NDUFAF6: variants seen among roughly 807,000 people sequenced by gnomAD.
NDUFAF6 encodes NADH:ubiquinone oxidoreductase complex assembly factor 6.
In NDUFAF6, 45 loss-of-function variants were observed where a neutral mutation model predicts 40.8. The ratio of observed to expected loss-of-function variants is 1.10; its 90% confidence interval spans 0.87 to 1.42. The LOEUF (loss-of-function observed/expected upper bound fraction) is 1.42. Among genes scored for constraint, NDUFAF6 ranks in the 40% most tolerant of loss-of-function variants. The probability of loss-of-function intolerance (pLI) is 0.00; values close to 1 mark genes in which losing one functional copy is unlikely to be tolerated. For missense variants in NDUFAF6, 435 were observed against 418.5 expected, an observed-to-expected ratio of 1.04 and a Z score of -0.34; for synonymous variants, 185 against 155.9, an observed-to-expected ratio of 1.19 and a Z score of -1.39.
chr8:95,094,844 C>T (rs1809400074), intron 2 of NDUFAF6, among the ~76,000 whole-genome samples: 1 of 149,740 alleles, frequency 6.7e-6, no homozygotes, highest in Admixed American at 6.7e-5. Context: ...CTTTGAACTC[C>T]TTGGCCCAAG....
At chr8:94,988,351 C>G (rs1826033888) in intron 2 of NDUFAF6, 1 of 152,198 alleles carries the variant, frequency 6.6e-6, no homozygotes, top group Admixed American at 6.5e-5. Flanking sequence ...CCCTCTTTCT[C>G]TCTCAGCTCC....
upstream of NDUFAF6, among the ~76,000 whole-genome samples, chr8:94,953,727 T>C (rs1215559076): frequency 6.6e-6 from 1 of 152,250 alleles, no homozygotes; most frequent in Non-Finnish European, 1.5e-5. Flanking sequence ...CTCAAAAGGA[T>C]GCAGATGATA....
chr8:95,062,563 G>A (rs1172859019), downstream of NDUFAF6, among the ~76,000 whole-genome samples: 1 of 152,196 alleles, frequency 6.6e-6, no homozygotes, highest in African/African-American at 2.4e-5. Flanking sequence ...AACTCAGCCT[G>A]ACTCAAACAT....
intron 1 of NDUFAF6, among the ~76,000 whole-genome samples, chr8:94,900,531 G>A (rs1817947920): frequency 6.6e-6 from 1 of 152,188 alleles, no homozygotes; most frequent in Admixed American, 6.5e-5. Context: ...CTCAGAGATG[G>A]TCAGTTCAGC....
intron 5 of NDUFAF6, among the ~76,000 whole-genome samples, chr8:95,046,154 G>A (rs894580632): frequency 1.8e-4 from 27 of 151,830 alleles, no homozygotes; most frequent in African/African-American, 6.1e-4. Context: ...TCTGCCTCCC[G>A]GATTCAAGTG....
In NDUFAF6 at chr8:94,921,142, G is replaced by A. The variant is rs546844341; in HGVS notation, c.-935-24341G>A. ...ACATAATAGTCCAAGGGTAGAGCTTGATCAAGATATTAAATTATGTCACTA... is the reference window on the plus strand; with the variant it reads ...ACATAATAGTCCAAGGGTAGAGCTTAATCAAGATATTAAATTATGTCACTA... On this transcript the variant is annotated intron_variant, in intron 1 of 14. Transcript: ENST00000396113. Among the ~76,000 whole-genome samples the A allele has an allele frequency of 8.0e-4, 122 of 152,328 alleles. 1 individual carries two copies. The highest frequency in any genetic ancestry group is 4.1e-3 in the Admixed American group (63 of 15,300).
In NDUFAF6 at chr8:95,108,871, TC is replaced by T. The variant is rs1214875808; in HGVS notation, n.344+5862del. ...ACACAAAAGAATTGAAAGCAGGGAT[TC>T]CAATATTGATTAGTTAAATGGTTAA... On this transcript the variant is annotated intron_variant and non_coding_transcript_variant, in intron 4 of 5. Coordinates refer to the NDUFAF6 transcript ENST00000523184. Among the ~76,000 whole-genome samples the T allele has an allele frequency of 2.6e-5, 4 of 152,268 alleles. No homozygotes were observed. The East Asian group carries it at 7.7e-4, about 29-fold the overall frequency.
At chr8:94,909,067 T>C (rs6987400) in intron 1 of NDUFAF6, among the ~76,000 whole-genome samples, 94,538 of 152,012 alleles carry the variant, frequency 0.62, 30,107 homozygotes, top group East Asian at 0.79. Context: ...AAAAGCTGGC[T>C]AGGCACAGTG....
At chr8:95,013,399 C>T (rs1489005500) in intron 2 of NDUFAF6, among the ~76,000 whole-genome samples, 3 of 152,162 alleles carry the variant, frequency 2.0e-5, no homozygotes, top group African/African-American at 7.2e-5. Context: ...AGCTACTGCT[C>T]CCACACTGAT....
At chr8:94,917,612 T>C (rs1287070716) in intron 1 of NDUFAF6, among the ~76,000 whole-genome samples, 1 of 152,152 alleles carries the variant, frequency 6.6e-6, no homozygotes, top group Non-Finnish European at 1.5e-5. Context: ...CCACAAAGAA[T>C]CTCTCAGTCT....
At chr8:95,110,292 C>A (rs1403909369) in intron 4 of NDUFAF6, among the ~76,000 whole-genome samples, 1 of 152,224 alleles carries the variant, frequency 6.6e-6, no homozygotes, top group Admixed American at 6.5e-5. Flanking sequence ...TTTTACCCAG[C>A]AACTGTCAAG....
chr8:94,987,560 AG>A (rs1388026113), intron 2 of NDUFAF6, among the ~76,000 whole-genome samples: 2 of 152,230 alleles, frequency 1.3e-5, no homozygotes, highest in Non-Finnish European at 2.9e-5. Flanking sequence ...GCATATGTTT[AG>A]AATTACATCT....
chr8:95,095,206 C>T (rs1809415953), intron 2 of NDUFAF6, among the ~76,000 whole-genome samples: 1 of 152,170 alleles, frequency 6.6e-6, no homozygotes, highest in African/African-American at 2.4e-5. Flanking sequence ...CTTTCCCTCT[C>T]ACAGGCAGGC....
At chr8:94,951,432 C>CA (rs1822608521) in intron 2 of NDUFAF6, 1 of 152,188 alleles carries the variant, frequency 6.6e-6, no homozygotes, top group Non-Finnish European at 1.5e-5. Flanking sequence ...CAGCGATAAC[C>CA]AAAACACAAA....
At chr8:95,115,125 TCAACTTGC>T (rs1241696372) in intron 4 of NDUFAF6, among the ~76,000 whole-genome samples, 3 of 152,172 alleles carry the variant, frequency 2.0e-5, no homozygotes, top group Admixed American at 6.5e-5. Flanking sequence ...AATCATGTAC[TCAACTTGC>T]CAAATTGCCA....
At chr8:95,100,984 A>G (rs920644758) in intron 1 of NDUFAF6, 3 of 152,198 alleles carry the variant, frequency 2.0e-5, no homozygotes, top group Non-Finnish European at 4.4e-5. Flanking sequence ...GGTTAAGCCA[A>G]TCTCAGAGCA....
chr8:94,896,359 G>A (rs1021478834), intron 1 of NDUFAF6: 15 of 148,562 alleles, frequency 1.0e-4, no homozygotes, highest in African/African-American at 3.7e-4. Context: ...GTTGGGAGGA[G>A]GGGGGCCCGA....
chr8:95,112,279 G>A (rs79366827), intron 4 of NDUFAF6, among the ~76,000 whole-genome samples: 98 of 152,236 alleles, frequency 6.4e-4, no homozygotes, highest in Non-Finnish European at 1.2e-3. Flanking sequence ...TTAAAAAACC[G>A]TTCTTTGCAG....
chr8:94,968,553 C>G (rs371938447), intron 1 of NDUFAF6, among the ~76,000 whole-genome samples: 13 of 152,242 alleles, frequency 8.5e-5, no homozygotes, highest in African/African-American at 2.9e-4. Flanking sequence ...GTGTCTTTCA[C>G]AAATCACACA....
Sources: gnomAD v4.1 joint callset for allele counts (sites outside exome capture counted in the v4.1 genomes callset) on GRCh38, gnomAD v4.1.1 for gene constraint, MANE v1.5 for transcripts, NCBI Gene and HGNC (gene_info 2026-07-23, HGNC 2026-07-21) for gene names.